The following EIPR1 variants were observed in gnomAD, a reference collection of about 807,000 sequenced individuals.
EIPR1 encodes EARP and GARP complex-interacting protein 1.
In EIPR1, 25 loss-of-function variants were observed where a neutral mutation model predicts 48.1. The observed-to-expected ratio is 0.52, with a 90% CI of 0.38 to 0.73. The LOEUF is 0.73. EIPR1 is among the 30% of genes least tolerant of loss of function. The pLI is 0.00. For synonymous variants in EIPR1, 204 were observed against 201.9 expected, an observed-to-expected ratio of 1.01 and a Z score of -0.09; for missense variants, 415 against 506.2, an observed-to-expected ratio of 0.82 and a Z score of 1.73.
chr2:3,315,009 G>A (rs906988530), intron 3 of EIPR1, among the ~76,000 whole-genome samples: 1 of 151,448 alleles, frequency 6.6e-6, no homozygotes, highest in Admixed American at 6.6e-5. Context: ...ATCCCCTCGT[G>A]CTGCACTTAC....
intron 2 of EIPR1, chr2:3,353,057 G>C (rs1402557021): frequency 2.7e-6 from 1 of 367,016 alleles, no homozygotes; most frequent in African/African-American, 2.1e-5. Flanking sequence ...GACAGACAGA[G>C]ACCATATTCA....
chr2:3,284,490 C>T (rs1202927990), intron 3 of EIPR1, among the ~76,000 whole-genome samples: 4 of 152,370 alleles, frequency 2.6e-5, no homozygotes, highest in East Asian at 1.9e-4. Context: ...GGAGATGGGG[C>T]GGGAGGCCGG....
At chr2:3,315,147 G>A (rs1256122388) in intron 3 of EIPR1, among the ~76,000 whole-genome samples, 1 of 99,718 alleles carries the variant, frequency 1.0e-5, no homozygotes, top group Non-Finnish European at 1.7e-5. Flanking sequence ...CACTAGCATC[G>A]CCCCCATGCC....
chr2:3,202,458 T>C (rs1665081650), intron 5 of EIPR1, among the ~76,000 whole-genome samples: 1 of 152,260 alleles, frequency 6.6e-6, no homozygotes, highest in African/African-American at 2.4e-5. Flanking sequence ...ATATTGTTTC[T>C]AACTAATCGA....
chr2:3,305,325 C>A (rs1395005349), intron 3 of EIPR1, among the ~76,000 whole-genome samples: 1 of 149,000 alleles, frequency 6.7e-6, no homozygotes, highest in Non-Finnish European at 1.5e-5. Context: ...CCACTCCCGT[C>A]CAGTTCAGCC....
chr2:3,256,656 T>C (rs1667165598), intron 4 of EIPR1, among the ~76,000 whole-genome samples: 1 of 152,220 alleles, frequency 6.6e-6, no homozygotes, highest in Admixed American at 6.5e-5. Context: ...ATAACAACAG[T>C]ATGCCCCCGC....
intron 4 of EIPR1, among the ~76,000 whole-genome samples, chr2:3,234,422 G>A (rs1351356491): frequency 6.6e-6 from 1 of 152,154 alleles, no homozygotes; most frequent in African/African-American, 2.4e-5. Context: ...GGAGTTCTCC[G>A]TGTCGGCTGG....
chr2:3,208,365 C>T (rs1392361070), intron 5 of EIPR1: 4 of 1,224,266 alleles, frequency 3.3e-6, no homozygotes, highest in Non-Finnish European at 4.4e-6. Flanking sequence ...GGGTGGGACT[C>T]ATTTATAGGG....
chr2:3,297,586 C>T (rs138103551), intron 3 of EIPR1, among the ~76,000 whole-genome samples: 5 of 152,346 alleles, frequency 3.3e-5, no homozygotes, highest in South Asian at 4.1e-4. Flanking sequence ...GTCCAAGGGA[C>T]GGCAAACTTT....
intron 3 of EIPR1, among the ~76,000 whole-genome samples, chr2:3,306,936 CG>C (rs1668964132): frequency 6.6e-6 from 1 of 151,878 alleles, no homozygotes; most frequent in Admixed American, 6.6e-5. Flanking sequence ...CATAAATATA[CG>C]GTTTCAAACT....
chr2:3,253,988 C>T (rs1450380041), intron 4 of EIPR1, among the ~76,000 whole-genome samples: 2 of 152,066 alleles, frequency 1.3e-5, no homozygotes, highest in Non-Finnish European at 2.9e-5. Context: ...TGTGGGGAAC[C>T]GTGTGGCATT....
rs776339121 is a variant in EIPR1 at position 3,192,632 on chromosome 2, CCAACAATGGATCA to C, written c.822-64_822-52del. ...AATGAACTGTCACCCGCAGGCAACA[CCAACAATGGATCA>C]CACCGGCTCTGAGGGCCCCACTAGG... On this transcript the variant is annotated intron_variant, in intron 7 of 8. Transcript: ENST00000382125. 41 of 1,588,060 alleles carry C rather than the reference CCAACAATGGATCA, an allele frequency of 2.6e-5. 1 individual carries two copies. The highest frequency in any genetic ancestry group is 2.7e-5 in the Non-Finnish European group (31 of 1,164,970).
chr2:3,210,657 GTC>G (rs1469506400), intron 5 of EIPR1, among the ~76,000 whole-genome samples: 2 of 125,584 alleles, frequency 1.6e-5, no homozygotes, highest in Non-Finnish European at 3.2e-5. Flanking sequence ...TTGAGACGGA[GTC>G]TCGCTCTGTC....
chr2:3,367,222 C>T (rs1670997486), intron 1 of EIPR1, among the ~76,000 whole-genome samples: 2 of 152,040 alleles, frequency 1.3e-5, no homozygotes, highest in Non-Finnish European at 2.9e-5. Context: ...TCCACGAGGG[C>T]TGGGATTTTG....
chr2:3,278,770 A>G (rs1338033911), intron 3 of EIPR1, among the ~76,000 whole-genome samples: 1 of 152,134 alleles, frequency 6.6e-6, no homozygotes, highest in Admixed American at 6.5e-5. Context: ...GATCAAGCAG[A>G]TGGAAGGCCA....
chr2:3,316,098 C>CT (rs1436479299), intron 3 of EIPR1, among the ~76,000 whole-genome samples: 1 of 45,632 alleles, frequency 2.2e-5, no homozygotes, highest in Non-Finnish European at 4.6e-5. Context: ...TACACACCCC[C>CT]ACCACCATCC....
chr2:3,260,615 CAT>C (rs1157382707), intron 3 of EIPR1, among the ~76,000 whole-genome samples: 1 of 152,018 alleles, frequency 6.6e-6, no homozygotes, highest in Non-Finnish European at 1.5e-5. Flanking sequence ...ATTTATAATA[CAT>C]ATATCTGACA....
chr2:3,258,656 A>G (rs1459040267), intron 3 of EIPR1, among the ~76,000 whole-genome samples: 2 of 152,218 alleles, frequency 1.3e-5, no homozygotes, highest in Non-Finnish European at 2.9e-5. Context: ...TATAGCAACG[A>G]ACTCAATGAC....
intron 4 of EIPR1, among the ~76,000 whole-genome samples, chr2:3,217,987 C>A (rs1321561285): frequency 2.6e-5 from 4 of 152,214 alleles, no homozygotes; most frequent in Non-Finnish European, 5.9e-5. Flanking sequence ...CCCTGGTACA[C>A]TCTAGAGTGT....
Sources: allele counts gnomAD v4.1 joint callset (sites outside exome capture counted in the v4.1 genomes callset), GRCh38; gene constraint gnomAD v4.1.1; transcripts MANE v1.5; gene names NCBI Gene and HGNC (gene_info 2026-07-23, HGNC 2026-07-21).